The following JCAD variants were observed in gnomAD, a reference collection of about 807,000 sequenced individuals.
JCAD encodes the protein junctional cadherin 5-associated protein.
In JCAD, 40 loss-of-function variants were observed where a neutral mutation model predicts 98.0. The ratio of observed to expected loss-of-function variants is 0.41; its 90% CI spans 0.32 to 0.53. The LOEUF (loss-of-function observed/expected upper bound fraction) is 0.53, where lower values mean the gene tolerates loss of function less well. JCAD is among the 20% of genes least tolerant of loss of function. The pLI is 0.31. For missense variants in JCAD, 1,705 were observed against 1,738.1 expected, an observed-to-expected ratio of 0.98 and a Z score of 0.34; for synonymous variants, 691 against 682.3, an observed-to-expected ratio of 1.01 and a Z score of -0.20.
chr10:30,026,110 C>T lies in JCAD; in HGVS notation c.4038G>A (p.Trp1346Ter), dbSNP rs372165288. ...QKEKSMDQDF[W>*]CPDSYDPSRV... ...GTCTGCCTGATTCCTCACCTGGGCA[C>T]CAGAAGTCTTGATCCATGCTCTTCT... is the stretch of plus-strand genomic sequence containing the variant. Residue 1346 changes from tryptophan (W) to a stop codon, truncating the protein, a stop_gained, in exon 3 of 4, where the codon TGG becomes TGA. Coordinates refer to ENST00000375377, the MANE Select transcript of JCAD (RefSeq NM_020848.4). LOFTEE classifies it high-confidence loss of function. 2 of 1,614,028 alleles carry T rather than the reference C, an allele frequency of 1.2e-6. No individual in the cohort carries two copies. Among genetic ancestry groups the T allele is most frequent in the Non-Finnish European group, 1.7e-6 (2 of 1,180,034 alleles).
chr10:30,039,734 A>G (rs939225637), intron 2 of JCAD, among the ~76,000 whole-genome samples: 5 of 152,122 alleles, frequency 3.3e-5, no homozygotes, highest in African/African-American at 1.2e-4. Context: ...CAGTGTTGGA[A>G]CGTTGCCAGG....
chr10:30,021,530 CATAAAA>C (rs1300063193), intron 3 of JCAD, among the ~76,000 whole-genome samples: 6 of 152,130 alleles, frequency 3.9e-5, no homozygotes, highest in African/African-American at 1.4e-4. Flanking sequence ...TGTTGAAACA[CATAAAA>C]ATAAACAGGT....
At chr10:30,058,236 A>G (rs1837619480) in intron 1 of JCAD, among the ~76,000 whole-genome samples, 1 of 152,172 alleles carries the variant, frequency 6.6e-6, no homozygotes, top group East Asian at 1.9e-4. Flanking sequence ...GAGAAACATC[A>G]CATTAAACTG....
chr10:30,044,863 C>A (rs555550083), intron 2 of JCAD: 72 of 899,970 alleles, frequency 8.0e-5, no homozygotes, highest in African/African-American at 5.9e-4. Context: ...ACCCAGGGAA[C>A]CTTGCAGCCA....
At position 30,047,632 on chromosome 10, in the gene JCAD, C is replaced by A. The variant is rs150437948; in HGVS notation, c.181G>T (p.Ala61Ser). The change falls in exon 2 of 4, where the codon GCG becomes TCG. Residue 61 changes from alanine to serine, a missense_variant. Physicochemically the swap from Ala to Ser is moderately conservative, Grantham distance 99. Coordinates refer to ENST00000375377, the MANE Select transcript of JCAD (RefSeq NM_020848.4). ...PAALAHRKTS[A>S]GKGHVSDSES... ...GAGTCACTCACATGTCCTTTCCCCGCGGACGTCTTACGATGTGCGAGGGCC... is the reference window on the plus strand; with the variant it reads ...GAGTCACTCACATGTCCTTTCCCCGAGGACGTCTTACGATGTGCGAGGGCC... 22 of 1,614,166 alleles carry A rather than the reference C, an allele frequency of 1.4e-5. No individual in the cohort carries two copies. Among genetic ancestry groups the A allele is most frequent in the Middle Eastern group, 1.6e-4 (1 of 6,062 alleles).
rs756837610 is a variant in JCAD at position 30,028,530 on chromosome 10, G to T, written c.1618C>A (p.Gln540Lys). Residue 540 changes from glutamine (Q) to lysine (K), a missense_variant, in exon 3 of 4, where the codon CAA (glutamine) becomes AAA (lysine). Around this residue, in one of 3 missense-constraint regions of JCAD, gnomAD observed 1,278 missense variants for 1,243.1 expected, o/e 1.03. Coordinates refer to ENST00000375377, the MANE Select transcript of JCAD (RefSeq NM_020848.4). ...RGSQHGHTGR[Q>K]VSSPYSQGES... ...CCCTGTGAGTAAGGGGAGGAAACTT[G>T]TCTTCCAGTGTGCCCGTGCTGGCTG... 2 of 1,614,096 alleles carry T rather than the reference G, an allele frequency of 1.2e-6. No homozygotes were observed. Among genetic ancestry groups the T allele is most frequent in the African/African-American group, 2.7e-5 (2 of 74,938 alleles).
chr10:30,057,541 T>C (rs1196584222), intron 1 of JCAD, among the ~76,000 whole-genome samples: 1 of 152,182 alleles, frequency 6.6e-6, no homozygotes, highest in Middle Eastern at 3.2e-3. Flanking sequence ...ATCCAGAGCA[T>C]GTGGACACTC....
intron 1 of JCAD, among the ~76,000 whole-genome samples, chr10:30,055,015 A>C (rs1476855346): frequency 1.3e-5 from 2 of 152,244 alleles, no homozygotes; most frequent in African/African-American, 4.8e-5. Flanking sequence ...AGCCTCAATG[A>C]CAATAAAAGA....
intron 2 of JCAD, among the ~76,000 whole-genome samples, chr10:30,040,758 C>T (rs1286142986): frequency 1.3e-5 from 2 of 152,202 alleles, no homozygotes; most frequent in African/African-American, 2.4e-5. Context: ...ACCAGTGACA[C>T]CCCCAGTCCA....
In JCAD at chr10:30,026,179, G is replaced by A. The variant is rs772884296; in HGVS notation, c.3969C>T (p.Asp1323=). 19 of 1,614,170 alleles carry A rather than the reference G, an allele frequency of 1.2e-5. No homozygotes were observed. The South Asian group carries it at 1.4e-4, about 12-fold the overall frequency. ...GCTCCTTCTCTTCCCTGGAGATGCT[G>A]TCCTTGGACACAGAGAGTGAGTGGC... ...RLGHSLSVSK[D]SISREEKEHP... Residue 1323 remains aspartate, a synonymous_variant, in exon 3 of 4, where the codon GAC becomes GAT. Coordinates refer to ENST00000375377, the MANE Select transcript of JCAD (RefSeq NM_020848.4).
intron 1 of JCAD, among the ~76,000 whole-genome samples, chr10:30,091,899 G>C (rs563103800): frequency 1.4e-5 from 2 of 145,044 alleles, no homozygotes; most frequent in African/African-American, 5.1e-5. Flanking sequence ...CTGGTGGCAC[G>C]CGCCTGTAAT....
At chr10:30,047,005 T>C (rs531908834) in intron 2 of JCAD, among the ~76,000 whole-genome samples, 7 of 152,106 alleles carry the variant, frequency 4.6e-5, no homozygotes, top group African/African-American at 1.7e-4. Context: ...GAGAATCACT[T>C]GAGCCCAGGA....
Position 30,047,746 on chromosome 10 carries a change from G to C in JCAD, c.67C>G (p.Arg23Gly), listed in dbSNP as rs200411233. The C allele has an allele frequency of 6.2e-7, 1 of 1,614,194 alleles. No homozygotes were observed. The stretch of plus-strand genomic sequence containing the variant: ...TGGCGCCCCTTGGGGTTATCCTCGC[G>C]TGATGCTGGGGGGTCTCTTGACAGC... The part of the protein sequence containing the change: ...YKLSRDPPAS[R>G]EDNPKGRQAA... Residue 23 changes from arginine (R) to glycine (G), a missense_variant, in exon 2 of 4, where the codon CGC becomes GGC. Around this residue, in one of 3 missense-constraint regions of JCAD, gnomAD observed 152 missense variants for 148.0 expected, o/e 1.03. Transcript: ENST00000375377.
chr10:30,023,385 C>T lies in JCAD; in HGVS notation c.4045+2718G>A, dbSNP rs185406768. 7.2e-5 allele frequency among the ~76,000 whole-genome samples: 11 copies of T among 152,278 alleles called. No individual in the cohort carries two copies. In the East Asian group the frequency reaches 1.9e-3, roughly 27 times the overall value. ...TTAGATACACAAATGCTTTCCATTG[C>T]GTTACAATTGCCTGCAGTATTCCAT... On this transcript the variant is annotated intron_variant, in intron 3 of 3. Transcript: ENST00000375377.
chr10:30,113,589 GAGA>G (rs1330038784), intron 1 of JCAD, among the ~76,000 whole-genome samples: 10 of 128,776 alleles, frequency 7.8e-5, no homozygotes, highest in African/African-American at 6.2e-5. Context: ...CCTCCCAGCA[GAGA>G]AGAAGGAAGC....
upstream of JCAD, among the ~76,000 whole-genome samples, chr10:30,060,423 C>G (rs1837678367): frequency 6.6e-6 from 1 of 152,204 alleles, no homozygotes; most frequent in Non-Finnish European, 1.5e-5. Flanking sequence ...ATTTCTCTTA[C>G]AGCGGGAAGG....
chr10:30,111,329 C>T (rs1308416758), intron 1 of JCAD, among the ~76,000 whole-genome samples: 1 of 152,170 alleles, frequency 6.6e-6, no homozygotes, highest in Non-Finnish European at 1.5e-5. Flanking sequence ...TGCTATGTTG[C>T]CCAGACTGGT....
At chr10:30,048,412 C>T (rs753665443) in intron 1 of JCAD, among the ~76,000 whole-genome samples, 4 of 152,156 alleles carry the variant, frequency 2.6e-5, no homozygotes, top group Admixed American at 6.5e-5. Flanking sequence ...CGGAAGCCAT[C>T]GAAACAGCAA....
Position 30,029,605 on chromosome 10 carries a change from C to T in JCAD, c.543G>A (p.Trp181Ter). ...TCCAGCTTTCCAGGCTGACGTTCTG[C>T]CACTTGGCAGGACCTGACATTCGCA... ...EELRMSGPAK[W>*]QNVSLESWNQ... is the part of the protein sequence containing the mutation. Residue 181 changes from tryptophan (W) to a stop codon, truncating the protein, a stop_gained, in exon 3 of 4, where the codon TGG becomes TGA. Transcript: ENST00000375377. LOFTEE classifies it high-confidence loss of function. 6.2e-7 allele frequency: 1 copy of T among 1,614,254 alleles called. No individual in the cohort carries two copies. The highest frequency in any genetic ancestry group is 1.1e-5 in the South Asian group (1 of 91,088).
Sources: allele counts gnomAD v4.1 joint callset (sites outside exome capture counted in the v4.1 genomes callset), GRCh38; gene constraint gnomAD v4.1.1; regional missense constraint gnomAD v4.1.1; transcripts MANE v1.5; gene names NCBI Gene and HGNC (gene_info 2026-07-23, HGNC 2026-07-21).